VPS13B: variants seen among roughly 807,000 people sequenced by gnomAD.
The protein encoded by VPS13B is intermembrane lipid transfer protein VPS13B.
In VPS13B, 285 loss-of-function variants were observed where a neutral mutation model predicts 426.4. That is an observed-to-expected ratio of 0.67 (90% CI 0.61 to 0.74). The LOEUF (loss-of-function observed/expected upper bound fraction) is 0.74, where lower values mean the gene tolerates loss of function less well. Ranked by LOEUF, VPS13B falls within the 30% of genes least tolerant of loss-of-function variation. The pLI is 0.00. For synonymous variants in VPS13B, 1,676 were observed against 1,676.4 expected (o/e 1.00, Z 0.01); for missense variants, 4,537 against 4,782.6 (o/e 0.95, Z 1.51).
chr8:99,582,742 G>A (rs958925916), intron 33 of VPS13B, among the ~76,000 whole-genome samples: 7 of 151,806 alleles, frequency 4.6e-5, no homozygotes, highest in Non-Finnish European at 7.4e-5. Context: ...TGCAAGCTCC[G>A]CCTCCTGTGT....
intron 19 of VPS13B, among the ~76,000 whole-genome samples, chr8:99,314,495 T>G (rs1391021913): frequency 6.6e-6 from 1 of 152,236 alleles, no homozygotes; most frequent in African/African-American, 2.4e-5. Context: ...GTCTAGATGA[T>G]TTGTCTCATG....
chr8:99,158,338 C>T (rs1563574005), intron 15 of VPS13B, among the ~76,000 whole-genome samples: 1 of 152,112 alleles, frequency 6.6e-6, no homozygotes, highest in Non-Finnish European at 1.5e-5. Flanking sequence ...ATCGACCAGC[C>T]TGGCCAACAT....
chr8:99,762,631 A>G (rs542034424), intron 39 of VPS13B, among the ~76,000 whole-genome samples: 52 of 152,088 alleles, frequency 3.4e-4, no homozygotes, highest in Non-Finnish European at 6.6e-4. Context: ...AATAATCAGA[A>G]CTCTTACAAC....
At chr8:99,246,904 A>G (rs1817253091) in intron 17 of VPS13B, among the ~76,000 whole-genome samples, 1 of 151,924 alleles carries the variant, frequency 6.6e-6, no homozygotes, top group Non-Finnish European at 1.5e-5. Flanking sequence ...AGTTTTGCAC[A>G]TATTTCGTGT....
At position 99,633,181 on chromosome 8, in the gene VPS13B, G is replaced by A. The variant is rs1257483899; in HGVS notation, c.5221-8630G>A. 2.6e-5 allele frequency among the ~76,000 whole-genome samples: 4 copies of A among 151,790 alleles called. No individual in the cohort carries two copies. The East Asian group carries it at 7.7e-4, about 29-fold the overall frequency. On this transcript the variant is annotated intron_variant, in intron 33 of 61. Transcript: ENST00000357162. ...TTTAAAGGGATATGTATGATTTAGG[G>A]GATAAAGTAATCAAATAAGGATTTG... is the stretch of plus-strand genomic sequence containing the variant.
Position 99,556,520 on chromosome 8 carries a change from C to G in VPS13B, c.4816C>G (p.Leu1606Val). 6.2e-7 allele frequency: 1 copy of G among 1,613,208 alleles called. No homozygotes were observed. The highest frequency in any genetic ancestry group is 1.1e-5 in the South Asian group (1 of 91,070). ...CGAAGACAGACAATACCAAATAGAT[C>G]TGCAGTCCATCAATATTGGTACTGC... Reference protein sequence around the residue: ...EIEDRQYQIDLQSINIGTAQW... With the variant: ...EIEDRQYQIDVQSINIGTAQW... Residue 1606 changes from leucine (L) to valine (V), a missense_variant, in exon 31 of 62, where the codon CTG (leucine) becomes GTG (valine). By Grantham distance (32) the Leu-to-Val change is conservative (BLOSUM62 1). Transcript: ENST00000357162.
At chr8:99,070,941 A>G (rs982578548) in intron 3 of VPS13B, among the ~76,000 whole-genome samples, 2 of 152,038 alleles carry the variant, frequency 1.3e-5, no homozygotes, top group African/African-American at 4.8e-5. Flanking sequence ...CTTGATTTCC[A>G]AAAATTATTT....
At chr8:99,553,383 ATTTATC>A (rs1236768777) in intron 30 of VPS13B, among the ~76,000 whole-genome samples, 3 of 152,244 alleles carry the variant, frequency 2.0e-5, no homozygotes, top group Admixed American at 6.5e-5. Flanking sequence ...GTTAAGGAAC[ATTTATC>A]TTTATCGTTT....
intron 17 of VPS13B, among the ~76,000 whole-genome samples, chr8:99,205,070 C>G (rs1814612536): frequency 6.6e-6 from 1 of 152,122 alleles, no homozygotes; most frequent in Admixed American, 6.5e-5. Context: ...TTTATTGCAG[C>G]ACTATTCGGA....
At chr8:99,264,909 A>G (rs889620778) in intron 17 of VPS13B, among the ~76,000 whole-genome samples, 1 of 150,062 alleles carries the variant, frequency 6.7e-6, no homozygotes, top group African/African-American at 2.5e-5. Flanking sequence ...TTTTTCTTCC[A>G]TTTTCATTCT....
chr8:99,309,363 G>A (rs889771754), intron 19 of VPS13B, among the ~76,000 whole-genome samples: 4 of 152,134 alleles, frequency 2.6e-5, no homozygotes, highest in Non-Finnish European at 5.9e-5. Flanking sequence ...TTTGTATAAG[G>A]TGTAAGGAAG....
At chr8:99,840,445 C>T (rs1815625682) in intron 54 of VPS13B, among the ~76,000 whole-genome samples, 1 of 152,132 alleles carries the variant, frequency 6.6e-6, no homozygotes, top group Non-Finnish European at 1.5e-5. Flanking sequence ...TTCCTGGTAG[C>T]TTTATGTCAT....
At chr8:99,524,717 C>T (rs1236263166) in intron 30 of VPS13B, among the ~76,000 whole-genome samples, 3 of 152,190 alleles carry the variant, frequency 2.0e-5, no homozygotes, top group Non-Finnish European at 4.4e-5. Context: ...CACTTGAGCA[C>T]AGGAGGTTGA....
chr8:99,729,482 A>G (rs139833162), intron 39 of VPS13B, among the ~76,000 whole-genome samples: 184 of 152,340 alleles, frequency 1.2e-3, no homozygotes, highest in African/African-American at 4.1e-3. Flanking sequence ...TCTTACAGAC[A>G]CACATGAGAT....
chr8:99,262,769 CTGT>C (rs373225716), intron 17 of VPS13B, among the ~76,000 whole-genome samples: 323 of 149,988 alleles, frequency 2.2e-3, no homozygotes, highest in African/African-American at 6.4e-3. Context: ...TTTGGATGGT[CTGT>C]TGTTGTTGTT....
At chr8:99,557,584 G>A (rs963289941) in intron 31 of VPS13B, among the ~76,000 whole-genome samples, 1 of 152,054 alleles carries the variant, frequency 6.6e-6, no homozygotes, top group Non-Finnish European at 1.5e-5. Context: ...TTACAATTGC[G>A]AATTGTGCTG....
At chr8:99,113,739 A>G (rs745979814) in intron 6 of VPS13B, among the ~76,000 whole-genome samples, 5 of 151,470 alleles carry the variant, frequency 3.3e-5, no homozygotes, top group Non-Finnish European at 5.9e-5. Flanking sequence ...TAATTTTTGT[A>G]TTTTTAGTAG....
At chr8:99,479,549 G>A (rs972400934) in intron 24 of VPS13B, among the ~76,000 whole-genome samples, 10 of 152,000 alleles carry the variant, frequency 6.6e-5, no homozygotes, top group South Asian at 2.1e-4. Context: ...ATGAAACTAC[G>A]CCCACAATCT....
At chr8:99,498,212 T>C (rs1471890525) in intron 25 of VPS13B, among the ~76,000 whole-genome samples, 2 of 152,160 alleles carry the variant, frequency 1.3e-5, no homozygotes, top group Non-Finnish European at 2.9e-5. Context: ...ATTATGTATC[T>C]GGGGAACACT....
Sources: gnomAD v4.1 joint callset for allele counts (sites outside exome capture counted in the v4.1 genomes callset) on GRCh38, gnomAD v4.1.1 for gene constraint, MANE v1.5 for transcripts, NCBI Gene and HGNC (gene_info 2026-07-23, HGNC 2026-07-21) for gene names.